The following RBMXL1 variants were observed in gnomAD, a reference collection of about 807,000 sequenced individuals.
The protein encoded by RBMXL1 is RNA binding motif protein, X-linked-like-1.
In RBMXL1, 18 loss-of-function variants were observed where a neutral mutation model predicts 29.0. The ratio of observed to expected loss-of-function variants is 0.62; its 90% confidence interval spans 0.43 to 0.92. The LOEUF is 0.92. Among genes scored for constraint, RBMXL1 ranks in the 40% least tolerant of loss-of-function variants. The pLI is 0.00. For synonymous variants in RBMXL1, 141 were observed against 170.4 expected (o/e 0.83, Z 1.34); for missense variants, 403 against 495.8 (o/e 0.81, Z 1.78).
chr1:88,980,011 C>G lies in RBMXL1; in HGVS notation c.*2643G>C, dbSNP rs1570832460. The G allele has an allele frequency of 6.6e-6, 1 of 152,322 alleles. No individual in the cohort carries two copies. The highest frequency in any genetic ancestry group is 1.5e-5 in the Non-Finnish European group (1 of 68,030). 9.4% of individuals were successfully genotyped at this position (152,322 alleles called of 1,614,324 possible). A position where few individuals can be genotyped will look rare whatever the true frequency, so the allele number is the denominator to read the frequency against. On this transcript the variant is annotated 3_prime_UTR_variant, in exon 3 of 3. Transcript: ENST00000652648. Reference sequence around the variant, plus strand: ...ATAAAAGGAATAAGCTACTGATACACTGCAACCTGGTGAATTTCAAAGTCA... The same window carrying G: ...ATAAAAGGAATAAGCTACTGATACAGTGCAACCTGGTGAATTTCAAAGTCA...
Position 88,982,748 on chromosome 1 carries a change from C to T in RBMXL1, c.1079G>A (p.Arg360His), listed in dbSNP as rs765204514. 2.5e-6 allele frequency: 4 copies of T among 1,613,940 alleles called. No homozygotes were observed. In the East Asian group the frequency reaches 8.9e-5, roughly 36 times the overall value. ...GCGGCTTGAACTGCTGTAGGAATCA[C>T]GTGAAGAAGGGTACCCCCTTTCTAC... ...PSVERGYPSS[R>H]DSYSSSSRGA... Residue 360 changes from arginine to histidine, a missense_variant, in exon 3 of 3, where the codon CGT becomes CAT. Physicochemically the swap from Arg to His is conservative, Grantham distance 29. Transcript: ENST00000652648.
rs759380888 is a variant in RBMXL1, at chr1:88,981,800, G to A, written c.*854C>T. 1.3e-4 allele frequency: 29 copies of A among 231,738 alleles called. No individual in the cohort carries two copies. Among genetic ancestry groups the A allele is most frequent in the Non-Finnish European group, 2.1e-4 (28 of 134,860 alleles). The allele number at this position is 231,738 out of a possible 1,614,324, so 14.4% of individuals were successfully genotyped here. On this transcript the variant is annotated 3_prime_UTR_variant, in exon 3 of 3. Coordinates refer to ENST00000652648, the MANE Select transcript of RBMXL1 (RefSeq NM_001162536.3). The stretch of plus-strand genomic sequence containing the variant: ...TGATGCTTTAAATCTGATGTGGAAT[G>A]CTGATAGATTCACTTTTTAGAAGTC...
chr1:88,991,865 A>T (rs1677816081), intron 1 of RBMXL1, among the ~76,000 whole-genome samples: 1 of 152,240 alleles, frequency 6.6e-6, no homozygotes, highest in Non-Finnish European at 1.5e-5. Context: ...AAGCGAAGGA[A>T]GGATTTCTGC....
At chr1:88,988,631 T>C (rs1375346214) in intron 1 of RBMXL1, among the ~76,000 whole-genome samples, 1 of 152,232 alleles carries the variant, frequency 6.6e-6, no homozygotes, top group Non-Finnish European at 1.5e-5. Flanking sequence ...AAGGCTTTAA[T>C]TTAGTCAAGA....
Position 88,981,600 on chromosome 1 carries a change from C to G in RBMXL1, c.*1054G>C, listed in dbSNP as rs1237921319. On this transcript the variant is annotated 3_prime_UTR_variant, in exon 3 of 3. Coordinates refer to ENST00000652648, the MANE Select transcript of RBMXL1 (RefSeq NM_001162536.3). ...ATCTATTGCCTGCACCAAACCAATT[C>G]TGACAGCACTGCTTATGCAACTGCA... is the stretch of plus-strand genomic sequence containing the variant. 6.3e-6 allele frequency: 1 copy of G among 158,022 alleles called. No homozygotes were observed. The highest frequency in any genetic ancestry group is 1.5e-5 in the Non-Finnish European group (1 of 68,448). 9.8% of individuals were successfully genotyped at this position (158,022 alleles called of 1,614,324 possible).
rs1677007867 is a variant in RBMXL1, at chr1:88,980,121, A to G, written c.*2533T>C. On this transcript the variant is annotated 3_prime_UTR_variant, in exon 3 of 3. Transcript: ENST00000652648. ...AATACTAAACACCACCACAAAGCAAACTAATATATGGTGACAAAGACAAAT... is the reference window on the plus strand; with the variant it reads ...AATACTAAACACCACCACAAAGCAAGCTAATATATGGTGACAAAGACAAAT... The G allele has an allele frequency of 6.6e-6, 1 of 152,298 alleles. No individual in the cohort carries two copies. Among genetic ancestry groups the G allele is most frequent in the Non-Finnish European group, 1.5e-5 (1 of 68,028 alleles). 9.4% of individuals were successfully genotyped at this position (152,298 alleles called of 1,614,324 possible). A position where few individuals can be genotyped will look rare whatever the true frequency, so the allele number is the denominator to read the frequency against.
chr1:88,987,536 C>T (rs972132295), intron 2 of RBMXL1, among the ~76,000 whole-genome samples: 2 of 151,998 alleles, frequency 1.3e-5, no homozygotes, highest in African/African-American at 4.8e-5. Flanking sequence ...ACTTCATATG[C>T]CAAAAATGGA....
rs761096305 is a variant in RBMXL1 at position 88,980,169 on chromosome 1, C to A, written c.*2485G>T. ...AATCAGCAGCGTGAGGGATGGACTG[C>A]AAAGGAACTTGAGGAATCTTTTGGG... On this transcript the variant is annotated 3_prime_UTR_variant, in exon 3 of 3. Transcript: ENST00000652648. 6.6e-6 allele frequency: 1 copy of A among 152,364 alleles called. No individual in the cohort carries two copies. The highest frequency in any genetic ancestry group is 1.5e-5 in the Non-Finnish European group (1 of 68,048). The allele number at this position is 152,364 out of a possible 1,614,324, so 9.4% of individuals were successfully genotyped here.
At chr1:88,987,608 A>C (rs567920178) in intron 2 of RBMXL1, among the ~76,000 whole-genome samples, 1 of 152,336 alleles carries the variant, frequency 6.6e-6, no homozygotes, top group Non-Finnish European at 1.5e-5. Flanking sequence ...TCATATGCAC[A>C]CTACCCAGAT....
rs1677168276 is a variant in RBMXL1, at chr1:88,982,808, C to T, written c.1019G>A (p.Arg340Lys). The T allele has an allele frequency of 6.2e-7, 1 of 1,613,842 alleles. No individual in the cohort carries two copies. Among genetic ancestry groups the T allele is most frequent in the Admixed American group, 1.7e-5 (1 of 59,994 alleles). The part of the protein sequence containing the change: ...SRSDLYSSCD[R>K]VGRQERGLPP... Reference sequence around the variant, plus strand: ...AAGCCCTCTTTCTTGTCTGCCAACCCTGTCACAACTTGAGTAGAGATCACT... The same window carrying T: ...AAGCCCTCTTTCTTGTCTGCCAACCTTGTCACAACTTGAGTAGAGATCACT... The change falls in exon 3 of 3, where the codon AGG (arginine) becomes AAG (lysine). Residue 340 changes from arginine to lysine, a missense_variant. Arg to Lys is a conservative substitution (Grantham distance 26). Coordinates refer to ENST00000652648, the MANE Select transcript of RBMXL1 (RefSeq NM_001162536.3).
chr1:88,990,134 T>A (rs1406729173), intron 1 of RBMXL1, among the ~76,000 whole-genome samples: 1 of 152,142 alleles, frequency 6.6e-6, no homozygotes, highest in African/African-American at 2.4e-5. Context: ...CCCAGTATAA[T>A]AAAGGAAATT....
chr1:88,980,018 C>G lies in RBMXL1; in HGVS notation c.*2636G>C, dbSNP rs1348748497. The G allele has an allele frequency of 1.3e-5, 2 of 152,180 alleles. No individual in the cohort carries two copies. The highest frequency in any genetic ancestry group is 4.1e-4 in the South Asian group (2 of 4,832). 9.4% of individuals were successfully genotyped at this position (152,180 alleles called of 1,614,324 possible). On this transcript the variant is annotated 3_prime_UTR_variant, in exon 3 of 3. Coordinates refer to ENST00000652648, the MANE Select transcript of RBMXL1 (RefSeq NM_001162536.3). Reference sequence around the variant, plus strand: ...GAATAAGCTACTGATACACTGCAACCTGGTGAATTTCAAAGTCATTGTGTG... The same window carrying G: ...GAATAAGCTACTGATACACTGCAACGTGGTGAATTTCAAAGTCATTGTGTG...
rs1246745309 is a variant in RBMXL1, at chr1:88,983,170, G to C, written c.657C>G (p.Ser219Arg). The C allele has an allele frequency of 6.2e-7, 1 of 1,612,584 alleles. No individual in the cohort carries two copies. The highest frequency in any genetic ancestry group is 1.7e-5 in the Admixed American group (1 of 60,026). Residue 219 changes from serine to arginine, a missense_variant, in exon 3 of 3, where the codon AGC (serine) becomes AGG (arginine). By Grantham distance (110) the Ser-to-Arg change is moderately radical. Coordinates refer to ENST00000652648, the MANE Select transcript of RBMXL1 (RefSeq NM_001162536.3). Reference sequence around the variant, plus strand: ...AACTTGGGTAATCTCTGCTTGAATAGCTGTCTTTAGTAGAATACCCATCAT... The same window carrying C: ...AACTTGGGTAATCTCTGCTTGAATACCTGTCTTTAGTAGAATACCCATCAT... Reference protein sequence around the residue: ...PRDDGYSTKDSYSSRDYPSSR... With the variant: ...PRDDGYSTKDRYSSRDYPSSR...
intron 2 of RBMXL1, among the ~76,000 whole-genome samples, chr1:88,984,524 G>C (rs1243595923): frequency 6.6e-6 from 1 of 152,120 alleles, no homozygotes; most frequent in African/African-American, 2.4e-5. Context: ...CTGGAACTTT[G>C]AAACAACATA....
chr1:88,982,681 A>G lies in RBMXL1; in HGVS notation c.1146T>C (p.Asp382=), dbSNP rs560744066. ...RGAGPGGSRS[D]RGGGRSRY is the part of the protein sequence containing the mutation. ...AGTATCTGCTTCTGCCTCCCCCTCTATCAGATCGGCTTCCTCCAGGGCCAG... is the reference window on the plus strand; with the variant it reads ...AGTATCTGCTTCTGCCTCCCCCTCTGTCAGATCGGCTTCCTCCAGGGCCAG... Residue 382 remains aspartate, a synonymous_variant, in exon 3 of 3, where the codon GAT becomes GAC. Coordinates refer to ENST00000652648, the MANE Select transcript of RBMXL1 (RefSeq NM_001162536.3). 1.3e-5 allele frequency: 21 copies of G among 1,612,952 alleles called. No homozygotes were observed. The African/African-American group carries it at 2.1e-4, about 16-fold the overall frequency.
rs1676996472 is a variant in RBMXL1 at position 88,979,935 on chromosome 1, G to A, written c.*2719C>T. On this transcript the variant is annotated 3_prime_UTR_variant, in exon 3 of 3. Transcript: ENST00000652648. ...ACAATCCCAAGGTCCATCAACAGGTGAGTAGAAAAACAAATAATGGCATAT... is the reference window on the plus strand; with the variant it reads ...ACAATCCCAAGGTCCATCAACAGGTAAGTAGAAAAACAAATAATGGCATAT... The A allele has an allele frequency of 2.0e-5, 3 of 152,274 alleles. No homozygotes were observed. In the South Asian group the frequency reaches 6.2e-4, roughly 32 times the overall value. The allele number at this position is 152,274 out of a possible 1,614,324, so 9.4% of individuals were successfully genotyped here.
At chr1:88,986,307 C>T (rs1677452420) in intron 2 of RBMXL1, among the ~76,000 whole-genome samples, 1 of 149,308 alleles carries the variant, frequency 6.7e-6, no homozygotes, top group South Asian at 2.1e-4. Flanking sequence ...AAATTTTAGA[C>T]TCTCTTAAAA....
intron 1 of RBMXL1, among the ~76,000 whole-genome samples, chr1:88,992,148 T>C (rs1383259468): frequency 6.6e-6 from 1 of 151,958 alleles, no homozygotes; most frequent in Non-Finnish European, 1.5e-5. Flanking sequence ...CCGGCTAATT[T>C]TTTGTATTTT....
chr1:88,982,699 A>G lies in RBMXL1; in HGVS notation c.1128T>C (p.Pro376=). The change falls in exon 3 of 3, where the codon CCT becomes CCC. Residue 376 remains proline, a synonymous_variant. Coordinates refer to ENST00000652648, the MANE Select transcript of RBMXL1 (RefSeq NM_001162536.3). ...SSRGAPRGAG[P]GGSRSDRGGG... is the part of the protein sequence containing the mutation. The stretch of plus-strand genomic sequence containing the variant: ...CCCCTCTATCAGATCGGCTTCCTCC[A>G]GGGCCAGCACCTCTTGGTGCTCCGC... 6.2e-7 allele frequency: 1 copy of G among 1,613,766 alleles called. No homozygotes were observed. Among genetic ancestry groups the G allele is most frequent in the Admixed American group, 1.7e-5 (1 of 59,998 alleles).
Sources: allele counts gnomAD v4.1 joint callset (sites outside exome capture counted in the v4.1 genomes callset), GRCh38; gene constraint gnomAD v4.1.1; transcripts MANE v1.5; gene names NCBI Gene and HGNC (gene_info 2026-07-23, HGNC 2026-07-21).